The following HLCS variants were observed in gnomAD, a reference collection of about 807,000 sequenced individuals.
HLCS encodes the protein biotin--protein ligase.
HLCS carries 53 observed loss-of-function variants against 75.0 expected under a neutral mutation model. The observed-to-expected ratio is 0.71, with a 90% CI of 0.57 to 0.89. The LOEUF is 0.89. Among genes scored for constraint, HLCS ranks in the 40% least tolerant of loss-of-function variants. The pLI is 0.00. For synonymous variants in HLCS, 431 were observed against 428.6 expected (o/e 1.01, Z -0.07); for missense variants, 966 against 1,074.0 (o/e 0.90, Z 1.41).
chr21:36,976,387 G>T (rs2068937595), intron 1 of HLCS, among the ~76,000 whole-genome samples: 1 of 147,534 alleles, frequency 6.8e-6, no homozygotes, highest in Non-Finnish European at 1.5e-5. Flanking sequence ...TTTTAAGGAA[G>T]TCAGTCACAC....
chr21:36,756,261 A>AC (rs1168013808), intron 10 of HLCS, among the ~76,000 whole-genome samples: 2 of 151,074 alleles, frequency 1.3e-5, no homozygotes, highest in African/African-American at 4.9e-5. Flanking sequence ...ACACGGTGAA[A>AC]CCCCACCTCC....
intron 6 of HLCS, among the ~76,000 whole-genome samples, chr21:36,805,565 G>A (rs752253925): frequency 1.1e-4 from 17 of 152,162 alleles, no homozygotes; most frequent in African/African-American, 2.2e-4. Flanking sequence ...ACTGCACCTC[G>A]CTCAGAAATT....
chr21:36,959,732 A>G (rs2068176428), intron 2 of HLCS, among the ~76,000 whole-genome samples: 1 of 152,068 alleles, frequency 6.6e-6, no homozygotes, highest in Non-Finnish European at 1.5e-5. Flanking sequence ...GGAGCTACCC[A>G]CTTCAGGTCT....
chr21:36,762,066 T>C (rs1408723052), intron 8 of HLCS, among the ~76,000 whole-genome samples: 1 of 152,224 alleles, frequency 6.6e-6, no homozygotes, highest in Non-Finnish European at 1.5e-5. Context: ...TTTTTCATTT[T>C]CTCAATCATT....
At chr21:36,794,341 G>A (rs558657321) in intron 6 of HLCS, among the ~76,000 whole-genome samples, 2 of 152,358 alleles carry the variant, frequency 1.3e-5, no homozygotes, top group South Asian at 2.1e-4. Context: ...GACAAAGGAT[G>A]GGGTGTTCAA....
At chr21:36,965,206 C>G (rs1248503384) in intron 1 of HLCS, among the ~76,000 whole-genome samples, 2 of 152,190 alleles carry the variant, frequency 1.3e-5, no homozygotes, top group African/African-American at 2.4e-5. Context: ...AGATAAGATT[C>G]AATTCCCCAC....
chr21:36,948,855 A>C lies in HLCS; in HGVS notation c.331-9861T>G, dbSNP rs1569235537. On this transcript the variant is annotated intron_variant, in intron 2 of 10. Coordinates refer to ENST00000674895, the MANE Select transcript of HLCS (RefSeq NM_001352514.2). ...CAAGCAGGAGCTGAAATAGTCAACT[A>C]ACCCAGATGGAGCTGAAAAGAGGAA... Among the ~76,000 whole-genome samples the C allele has an allele frequency of 2.0e-5, 3 of 152,136 alleles. No individual in the cohort carries two copies. The South Asian group carries it at 6.2e-4, about 32-fold the overall frequency.
intron 2 of HLCS, among the ~76,000 whole-genome samples, chr21:36,958,249 AAAAAAAAGAAAG>A (rs1431597203): frequency 2.1e-5 from 1 of 48,514 alleles, no homozygotes; most frequent in Non-Finnish European, 4.9e-5. Context: ...TCAAAAAAAA[AAAAAAAAGAAAG>A]AAAGAAAGAA....
At chr21:36,791,917 T>A (rs957985051) in intron 6 of HLCS, among the ~76,000 whole-genome samples, 4 of 152,090 alleles carry the variant, frequency 2.6e-5, no homozygotes, top group Non-Finnish European at 5.9e-5. Flanking sequence ...TTCTTACCAC[T>A]TTCACAAAGA....
chr21:36,790,055 CA>C lies in HLCS; in HGVS notation c.1893-22771del, dbSNP rs549614303. On this transcript the variant is annotated intron_variant, in intron 6 of 10. Transcript: ENST00000674895. Reference sequence around the variant, plus strand: ...ATGTACACTCCCACTGGGGTTTGAACAAGGCTTAAAAGTACCTGTTTCATTA... The same window carrying C: ...ATGTACACTCCCACTGGGGTTTGAACAGGCTTAAAAGTACCTGTTTCATTA... Among the ~76,000 whole-genome samples the C allele has an allele frequency of 1.6e-3, 238 of 152,300 alleles. 1 individual carries two copies. Among genetic ancestry groups the C allele is most frequent in the Admixed American group, 2.4e-3 (36 of 15,292 alleles).
At chr21:36,964,627 A>C (rs2146679469) in intron 1 of HLCS, among the ~76,000 whole-genome samples, 1 of 152,336 alleles carries the variant, frequency 6.6e-6, no homozygotes, top group East Asian at 1.9e-4. Context: ...CTTACTGTGC[A>C]GAGTGACAGA....
chr21:36,770,579 C>T (rs1041437654), intron 6 of HLCS, among the ~76,000 whole-genome samples: 1 of 150,474 alleles, frequency 6.6e-6, no homozygotes, highest in African/African-American at 2.4e-5. Context: ...GATGGGTAAC[C>T]TTTCTTTTTT....
chr21:36,947,339 G>A (rs1193542974), intron 2 of HLCS: 2 of 985,222 alleles, frequency 2.0e-6, no homozygotes, highest in African/African-American at 1.7e-5. Flanking sequence ...TCACCTAAGT[G>A]CATTTCCGTT....
chr21:36,869,376 C>G (rs1167735604), intron 6 of HLCS, among the ~76,000 whole-genome samples: 2 of 152,152 alleles, frequency 1.3e-5, no homozygotes, highest in East Asian at 3.9e-4. Flanking sequence ...TCGTGATCCG[C>G]CCACCTCGGC....
chr21:36,965,458 G>T (rs193139685), intron 1 of HLCS, among the ~76,000 whole-genome samples: 1 of 152,326 alleles, frequency 6.6e-6, no homozygotes, highest in African/African-American at 2.4e-5. Context: ...CAAGGCAGCA[G>T]ACTTTTTACA....
At chr21:36,851,105 G>A (rs1317568673) in intron 6 of HLCS, among the ~76,000 whole-genome samples, 1 of 152,194 alleles carries the variant, frequency 6.6e-6, no homozygotes, top group African/African-American at 2.4e-5. Flanking sequence ...GGTTATGAGA[G>A]AGAAAGATAT....
intron 9 of HLCS, among the ~76,000 whole-genome samples, chr21:36,758,775 G>A (rs2089704147): frequency 2.0e-5 from 3 of 152,130 alleles, no homozygotes; most frequent in African/African-American, 7.2e-5. Flanking sequence ...GAGTTCAGGA[G>A]TTTGATACCA....
chr21:36,857,381 T>A (rs1357516696), intron 6 of HLCS, among the ~76,000 whole-genome samples: 1 of 152,042 alleles, frequency 6.6e-6, no homozygotes, highest in Non-Finnish European at 1.5e-5. Flanking sequence ...AGGAGTGGGG[T>A]AGGAGAGATA....
intron 1 of HLCS, among the ~76,000 whole-genome samples, chr21:36,984,323 A>G (rs550776403): frequency 5.3e-5 from 8 of 152,306 alleles, no homozygotes; most frequent in African/African-American, 1.9e-4. Flanking sequence ...CGTTAGGCAC[A>G]ATAACAAATT....
Sources: gnomAD v4.1 joint callset for allele counts (sites outside exome capture counted in the v4.1 genomes callset) on GRCh38, gnomAD v4.1.1 for gene constraint, MANE v1.5 for transcripts, NCBI Gene and HGNC (gene_info 2026-07-23, HGNC 2026-07-21) for gene names.